Variants in PPARD observed in about 807,000 individuals in gnomAD.
The protein encoded by PPARD is peroxisome proliferator activated receptor delta, also known as peroxisome proliferator-activated receptor delta.
Under a neutral mutation model 39.5 loss-of-function variants are expected in PPARD, and 6 were observed. That is an observed-to-expected ratio of 0.15 (90% CI 0.08 to 0.30). PPARD has a LOEUF of 0.30. Ranked by LOEUF, PPARD falls within the 10% of genes least tolerant of loss-of-function variation. The pLI is 1.00. For missense variants in PPARD, 397 were observed against 596.8 expected (o/e 0.67, Z 3.49); for synonymous variants, 210 against 231.3 (o/e 0.91, Z 0.83).
At chr6:35,423,821 C>A in intron 5 of PPARD, 125 bp from the exon 6 acceptor site, 1 of 830,800 alleles carries the variant, frequency 1.2e-6, no homozygotes, top group South Asian at 1.7e-5. Context: ...ACCTTGCTGA[C>A]TCTAGAGCTT....
In PPARD at chr6:35,426,293, CTCTT is replaced by C; in HGVS notation, c.*218_*221del. 2 of 612,142 alleles carry C rather than the reference CTCTT, an allele frequency of 3.3e-6. No individual in the cohort carries two copies. Among genetic ancestry groups the C allele is most frequent in the Non-Finnish European group, 5.6e-6 (2 of 354,196 alleles). 37.9% of individuals were successfully genotyped at this position (612,142 alleles called of 1,614,324 possible). On this transcript the variant is annotated 3_prime_UTR_variant, in exon 8 of 8. Coordinates refer to ENST00000360694, the MANE Select transcript of PPARD (RefSeq NM_006238.5). ...CTCTCTTCCTGTCTTTGTTGTCTCC[CTCTT>C]TCTCAGTTCCTCTTTCTTTTCTAAT...
intron 2 of PPARD, among the ~76,000 whole-genome samples, chr6:35,364,609 T>G (rs1762091405): frequency 6.6e-6 from 1 of 151,450 alleles, no homozygotes; most frequent in Admixed American, 6.6e-5. Context: ...AATTTTTTTT[T>G]TGTATTTTTA....
intron 2 of PPARD, among the ~76,000 whole-genome samples, chr6:35,402,495 C>T (rs969957622): frequency 7.2e-5 from 11 of 152,192 alleles, no homozygotes; most frequent in African/African-American, 2.7e-4. Context: ...AGAGTACCCT[C>T]CTGTCTCTGG....
chr6:35,343,487 CACTCT>C (rs10566804), intron 1 of PPARD, among the ~76,000 whole-genome samples: 7,186 of 152,190 alleles, frequency 0.047, 377 homozygotes, highest in African/African-American at 0.13. Context: ...CTTAGCTCCA[CACTCT>C]ACTCTACTTT....
chr6:35,374,151 G>C (rs981226538), intron 2 of PPARD, among the ~76,000 whole-genome samples: 7 of 152,092 alleles, frequency 4.6e-5, no homozygotes, highest in Non-Finnish European at 7.4e-5. Context: ...TGCCTCCAAA[G>C]AGCTTTTCCA....
intron 3 of PPARD, among the ~76,000 whole-genome samples, chr6:35,411,651 T>C (rs1015399731): frequency 6.6e-6 from 1 of 152,206 alleles, no homozygotes; most frequent in African/African-American, 2.4e-5. Flanking sequence ...GGTCTGGTAA[T>C]AATTATACAC....
At chr6:35,397,965 C>T (rs577598838) in intron 2 of PPARD, among the ~76,000 whole-genome samples, 12 of 152,184 alleles carry the variant, frequency 7.9e-5, no homozygotes, top group East Asian at 3.9e-4. Context: ...AGAGAAAAGC[C>T]GCTGCAAAGG....
Position 35,411,144 on chromosome 6 carries a change from A to T in PPARD, c.57A>T (p.Glu19Asp). The T allele has an allele frequency of 1.3e-6, 2 of 1,584,498 alleles. No homozygotes were observed. Among genetic ancestry groups the T allele is most frequent in the South Asian group, 2.3e-5 (2 of 87,510 alleles). The change falls in exon 3 of 8, where the codon GAA becomes GAT. Residue 19 changes from glutamate to aspartate, a missense_variant. Glu to Asp is a conservative substitution (Grantham distance 45). Coordinates refer to ENST00000360694, the MANE Select transcript of PPARD (RefSeq NM_006238.5). ...PEVREEEEKE[E>D]VAEAEGAPEL... ...TCCGGGAAGAGGAGGAGAAAGAGGA[A>T]GTGGCAGAGGCAGAAGGAGCCCCAG...
intron 2 of PPARD, among the ~76,000 whole-genome samples, chr6:35,369,438 T>G (rs1762367629): frequency 6.6e-6 from 1 of 152,188 alleles, no homozygotes; most frequent in Non-Finnish European, 1.5e-5. Context: ...TATAATCCAT[T>G]AGCGTGCATT....
intron 2 of PPARD, among the ~76,000 whole-genome samples, chr6:35,388,816 C>T (rs145411294): frequency 2.2e-4 from 34 of 152,230 alleles, no homozygotes; most frequent in Admixed American, 8.5e-4. Context: ...GGCAGAGGGT[C>T]GGTGTCCATG....
At chr6:35,346,991 T>TCATTAAAAAA in intron 1 of PPARD, 76 bp from the exon 2 acceptor site, 1 of 850,514 alleles carries the variant, frequency 1.2e-6, no homozygotes, top group Non-Finnish European at 1.8e-6. Flanking sequence ...TTACGGTGGG[T>TCATTAAAAAA]ATAACTTATT....
intron 2 of PPARD, among the ~76,000 whole-genome samples, chr6:35,359,740 T>C (rs1159573148): frequency 6.6e-6 from 1 of 152,222 alleles, no homozygotes; most frequent in East Asian, 1.9e-4. Context: ...TTGAATGCAT[T>C]GTGCTGATCA....
intron 2 of PPARD, among the ~76,000 whole-genome samples, chr6:35,388,572 C>T (rs1313976778): frequency 1.3e-5 from 2 of 152,002 alleles, no homozygotes; most frequent in African/African-American, 2.4e-5. Context: ...AGTAGCCGGG[C>T]GTGGTGGCGC....
At chr6:35,397,440 C>T (rs199556722) in intron 2 of PPARD, 7 of 712,294 alleles carry the variant, frequency 9.8e-6, no homozygotes, top group East Asian at 2.7e-4. Flanking sequence ...CTTCTAGATT[C>T]GCTCTCCACC....
chr6:35,355,313 G>T (rs1448007181), intron 2 of PPARD, among the ~76,000 whole-genome samples: 1 of 151,874 alleles, frequency 6.6e-6, no homozygotes, highest in Non-Finnish European at 1.5e-5. Context: ...ATCTGGGCAC[G>T]GTGGCGCACA....
At chr6:35,387,202 C>T (rs1232568528) in intron 2 of PPARD, among the ~76,000 whole-genome samples, 3 of 151,672 alleles carry the variant, frequency 2.0e-5, no homozygotes, top group East Asian at 3.9e-4. Flanking sequence ...GGGTTGCTGT[C>T]GGTGAGCTCA....
At chr6:35,376,652 G>A (rs188956567) in intron 2 of PPARD, among the ~76,000 whole-genome samples, 10 of 152,162 alleles carry the variant, frequency 6.6e-5, no homozygotes, top group Non-Finnish European at 1.5e-4. Context: ...TGCTTAGTGC[G>A]GCACCCCTTT....
intron 2 of PPARD, among the ~76,000 whole-genome samples, chr6:35,389,436 CGAGT>C (rs1051018020): frequency 1.4e-4 from 21 of 152,236 alleles, no homozygotes; most frequent in African/African-American, 5.1e-4. Context: ...CTCAGCCTCT[CGAGT>C]AGCTGGGACT....
intron 2 of PPARD, among the ~76,000 whole-genome samples, chr6:35,357,219 C>G (rs1426695822): frequency 1.3e-5 from 2 of 152,222 alleles, no homozygotes. Flanking sequence ...GTTTTCCTCT[C>G]CAAGCCCAGA....
Sources: allele counts gnomAD v4.1 joint callset (sites outside exome capture counted in the v4.1 genomes callset), GRCh38; gene constraint gnomAD v4.1.1; transcripts MANE v1.5; gene names NCBI Gene and HGNC (gene_info 2026-07-23, HGNC 2026-07-21).